Variants in ARSJ observed in about 807,000 individuals in gnomAD.
ARSJ encodes the protein arylsulfatase J.
In ARSJ, 26 loss-of-function variants were observed where a neutral mutation model predicts 35.9. That is an observed-to-expected ratio of 0.72 (90% CI 0.53 to 1.00). ARSJ has a LOEUF of 1.00. Among genes scored for constraint, ARSJ ranks in the 50% least tolerant of loss-of-function variants. The pLI is 0.00. For synonymous variants in ARSJ, 294 were observed against 267.6 expected (o/e 1.10, Z -0.96); for missense variants, 667 against 723.6 (o/e 0.92, Z 0.90).
chr4:113,968,422 G>A (rs145198577), intron 1 of ARSJ, among the ~76,000 whole-genome samples: 1 of 152,236 alleles, frequency 6.6e-6, no homozygotes, highest in East Asian at 1.9e-4. Flanking sequence ...AAGACGGTAG[G>A]AACAGAGCAG....
intron 1 of ARSJ, among the ~76,000 whole-genome samples, chr4:113,942,258 T>A (rs1725204314): frequency 6.7e-6 from 1 of 148,786 alleles, no homozygotes; most frequent in Non-Finnish European, 1.5e-5. Flanking sequence ...ACTTCTCATT[T>A]CCCATGTCCT....
chr4:113,930,601 G>T (rs1025728231), intron 1 of ARSJ, among the ~76,000 whole-genome samples: 6 of 152,080 alleles, frequency 3.9e-5, no homozygotes, highest in Non-Finnish European at 8.8e-5. Flanking sequence ...GTTTGAAAGT[G>T]AACATTTTTT....
intron 1 of ARSJ, among the ~76,000 whole-genome samples, chr4:113,914,714 A>G (rs1723180952): frequency 6.6e-6 from 1 of 152,206 alleles, no homozygotes; most frequent in South Asian, 2.1e-4. Flanking sequence ...TCCAGAAAAA[A>G]TTATCACAAG....
chr4:113,944,539 T>C (rs1393627702), intron 1 of ARSJ, among the ~76,000 whole-genome samples: 1 of 152,032 alleles, frequency 6.6e-6, no homozygotes, highest in Non-Finnish European at 1.5e-5. Flanking sequence ...GAGAACATAT[T>C]GTCGAAGATC....
chr4:113,924,044 T>TATAA (rs375176459), intron 1 of ARSJ, among the ~76,000 whole-genome samples: 3 of 3,506 alleles, frequency 8.6e-4, no homozygotes, highest in East Asian at 0.083. Context: ...TAAATATATA[T>TATAA]AAATATATAT....
At chr4:113,959,472 A>G (rs1466149465) in intron 1 of ARSJ, among the ~76,000 whole-genome samples, 1 of 152,074 alleles carries the variant, frequency 6.6e-6, no homozygotes, top group Non-Finnish European at 1.5e-5. Flanking sequence ...AAACCTGTGA[A>G]CGATTTCACA....
chr4:113,918,529 G>A (rs1355303987), intron 1 of ARSJ, among the ~76,000 whole-genome samples: 1 of 152,072 alleles, frequency 6.6e-6, no homozygotes, highest in African/African-American at 2.4e-5. Context: ...AATACAAACG[G>A]ATCCTGATGC....
intron 1 of ARSJ, among the ~76,000 whole-genome samples, chr4:113,940,586 C>T (rs1022721808): frequency 7.9e-5 from 12 of 151,546 alleles, no homozygotes; most frequent in Non-Finnish European, 1.6e-4. Context: ...CAGCAAACCA[C>T]CGTGGCACAC....
At chr4:113,957,295 T>A (rs1220014738) in intron 1 of ARSJ, among the ~76,000 whole-genome samples, 1 of 152,074 alleles carries the variant, frequency 6.6e-6, no homozygotes, top group Non-Finnish European at 1.5e-5. Flanking sequence ...TTTAAATATC[T>A]CTATTAGCAT....
At chr4:113,919,059 A>G (rs1050598129) in intron 1 of ARSJ, among the ~76,000 whole-genome samples, 4 of 152,120 alleles carry the variant, frequency 2.6e-5, no homozygotes, top group African/African-American at 9.7e-5. Flanking sequence ...TTCAACTTCT[A>G]GAGTATTTGG....
At position 113,978,925 on chromosome 4, in the gene ARSJ, T is replaced by A; in HGVS notation, c.-91A>T. ...CATGCACCCAACAGACGGTGAAGACTCTCCACCTGGCAAGAAATCCTCCTC... is the reference window on the plus strand; with the variant it reads ...CATGCACCCAACAGACGGTGAAGACACTCCACCTGGCAAGAAATCCTCCTC... On this transcript the variant is annotated 5_prime_UTR_variant, in exon 1 of 2. Transcript: ENST00000315366. 1 of 1,366,554 alleles carries A rather than the reference T, an allele frequency of 7.3e-7. No individual in the cohort carries two copies. The allele number at this position is 1,366,554 out of a possible 1,614,324, so 84.7% of individuals were successfully genotyped here.
At chr4:113,912,867 A>G (rs1262149686) in intron 1 of ARSJ, among the ~76,000 whole-genome samples, 2 of 152,124 alleles carry the variant, frequency 1.3e-5, no homozygotes, top group African/African-American at 4.8e-5. Flanking sequence ...GAAGCTTTCA[A>G]CTTGTTATGT....
At chr4:113,945,131 CT>C (rs1725395176) in intron 1 of ARSJ, among the ~76,000 whole-genome samples, 1 of 152,000 alleles carries the variant, frequency 6.6e-6, no homozygotes, top group East Asian at 1.9e-4. Flanking sequence ...GTTGGTGTCT[CT>C]TTTTAAAAAT....
chr4:113,911,048 A>T (rs17620624), intron 1 of ARSJ, among the ~76,000 whole-genome samples: 1 of 152,102 alleles, frequency 6.6e-6, no homozygotes, highest in Non-Finnish European at 1.5e-5. Flanking sequence ...TGGACAAAAG[A>T]GCATTCACAA....
At chr4:113,904,652 T>A (rs1040533207) in intron 1 of ARSJ, among the ~76,000 whole-genome samples, 1 of 152,008 alleles carries the variant, frequency 6.6e-6, no homozygotes, top group Admixed American at 6.5e-5. Context: ...GCCCAGATAA[T>A]TTTTTTGTAT....
At chr4:113,948,200 A>G (rs1276354199) in intron 1 of ARSJ, among the ~76,000 whole-genome samples, 1 of 152,058 alleles carries the variant, frequency 6.6e-6, no homozygotes. Flanking sequence ...AAAAAAAATT[A>G]ACATAGTATT....
At chr4:113,926,294 A>C (rs1039551277) in intron 1 of ARSJ, among the ~76,000 whole-genome samples, 6 of 152,168 alleles carry the variant, frequency 3.9e-5, no homozygotes, top group Non-Finnish European at 8.8e-5. Flanking sequence ...GAATCAGTAT[A>C]TAATTGCACA....
intron 1 of ARSJ, among the ~76,000 whole-genome samples, chr4:113,977,412 T>G (rs773565966): frequency 1.3e-5 from 2 of 152,138 alleles, no homozygotes; most frequent in Admixed American, 6.5e-5. Context: ...TACAAAATAG[T>G]CTTTATTTTT....
chr4:113,902,299 C>T lies in ARSJ; in HGVS notation c.1775G>A (p.Cys592Tyr). 1.9e-6 allele frequency: 3 copies of T among 1,611,910 alleles called. No individual in the cohort carries two copies. In the South Asian group the frequency reaches 3.3e-5, roughly 18 times the overall value. Residue 592 changes from cysteine to tyrosine, a missense_variant, in exon 2 of 2, where the codon TGC (cysteine) becomes TAC (tyrosine). By Grantham distance (194) the Cys-to-Tyr change is radical. Transcript: ENST00000315366. ...KQQKAVSGST[C>Y]HSGVTCG ...TTATCCACAAGTAACACCTGAATGG[C>T]AAGTTGAACCTGAGACTGCTTTCTG... is the stretch of plus-strand genomic sequence containing the variant.
Sources: allele counts gnomAD v4.1 joint callset (sites outside exome capture counted in the v4.1 genomes callset), GRCh38; gene constraint gnomAD v4.1.1; transcripts MANE v1.5; gene names NCBI Gene and HGNC (gene_info 2026-07-23, HGNC 2026-07-21).